NBPF6: variants seen among roughly 807,000 people sequenced by gnomAD.
NBPF6 encodes NBPF family member NBPF6.
NBPF6 carries 2 observed loss-of-function variants against 20.8 expected under a neutral mutation model. The ratio of observed to expected loss-of-function variants is 0.10; its 90% CI spans 0.04 to 0.30. NBPF6 has a LOEUF of 0.30. Ranked by LOEUF, NBPF6 falls within the 10% of genes least tolerant of loss-of-function variation. The pLI, the probability that NBPF6 is intolerant of heterozygous loss-of-function variation, is 1.00. For missense variants in NBPF6, 85 were observed against 260.3 expected (o/e 0.33, Z 4.63); for synonymous variants, 24 against 100.0 (o/e 0.24, Z 4.53).
chr1:108,470,615 A>G lies in NBPF6; in HGVS notation c.1894A>G (p.Arg632Gly). The part of the protein sequence containing the change: ...ESAEIPNTAE[R>G]MQRMIG ...CCTACAGATACCAAATACTGCTGAA[A>G]GGATGCAAAGGATGATAGGATGAAA... The change falls in exon 15 of 15, where the codon AGG becomes GGG. Residue 632 changes from arginine (R) to glycine (G), a missense_variant. By Grantham distance (125) the Arg-to-Gly change is moderately radical. Transcript: ENST00000495380. The G allele has an allele frequency of 6.4e-7, 1 of 1,554,852 alleles. No homozygotes were observed.
upstream of NBPF6, among the ~76,000 whole-genome samples, chr1:108,448,019 A>G (rs1357225479): frequency 6.8e-6 from 1 of 145,994 alleles, no homozygotes; most frequent in Non-Finnish European, 1.5e-5. Flanking sequence ...TTTTAAATAG[A>G]GCTAAGAGTA....
chr1:108,469,200 T>C (rs1653318295), intron 14 of NBPF6, among the ~76,000 whole-genome samples: 3 of 151,154 alleles, frequency 2.0e-5, no homozygotes, highest in African/African-American at 4.9e-5. Flanking sequence ...AAGTAAGAAA[T>C]AGTCATGATA....
chr1:108,453,008 G>GTGTA lies in NBPF6; in HGVS notation c.279-172_279-171insGTAT, dbSNP rs1471016532. Among the ~76,000 whole-genome samples the GTGTA allele has an allele frequency of 1.8e-3, 106 of 59,954 alleles. 2 individuals carry two copies. The highest frequency in any genetic ancestry group is 5.9e-3 in the African/African-American group (94 of 15,942). 39.3% of individuals were successfully genotyped at this position (59,954 alleles called of 152,430 possible). On this transcript the variant is annotated intron_variant, in intron 3 of 14. Coordinates refer to ENST00000495380, the MANE Select transcript of NBPF6 (RefSeq NM_001143988.2). ...TGTGTGTGTGTGTGTGTGTGTGTGT[G>GTGTA]TATATATATATATATTCTTCTTTCT...
Position 108,465,265 on chromosome 1 carries a change from C to A in NBPF6, c.1501C>A (p.Gln501Lys), listed in dbSNP as rs1199145196. The change falls in exon 13 of 15, where the codon CAG becomes AAG. Residue 501 changes from glutamine (Q) to lysine (K), a missense_variant. Gln to Lys is a moderately conservative substitution (Grantham distance 53, BLOSUM62 1). Coordinates refer to ENST00000495380, the MANE Select transcript of NBPF6 (RefSeq NM_001143988.2). ...CCACCGGTCAGAGGTTCAAATTTCA[C>A]AGGCACAGCTGGAACCAAGCACCCT... is the stretch of plus-strand genomic sequence containing the variant. ...SHHRSEVQIS[Q>K]AQLEPSTLVP... 6 of 1,195,336 alleles carry A rather than the reference C, an allele frequency of 5.0e-6. 2 individuals are homozygous for A. 74.0% of individuals were successfully genotyped at this position (1,195,336 alleles called of 1,614,324 possible).
chr1:108,448,371 C>T (rs1257187329), upstream of NBPF6, among the ~76,000 whole-genome samples: 22 of 149,112 alleles, frequency 1.5e-4, no homozygotes, highest in African/African-American at 4.9e-4. Context: ...TTAAATACAG[C>T]CAGGGGAAGA....
intron 14 of NBPF6, among the ~76,000 whole-genome samples, chr1:108,470,049 A>G (rs1401477398): frequency 1.3e-5 from 1 of 78,300 alleles, no homozygotes; most frequent in African/African-American, 5.5e-5. Context: ...CCTTAGTTCC[A>G]TCTTACCCCT....
chr1:108,436,282 C>T, the NBPF6 span, among the ~76,000 whole-genome samples: 1 of 75,546 alleles, frequency 1.3e-5, no homozygotes, highest in African/African-American at 4.1e-5. Flanking sequence ...ACTAGCTCTA[C>T]CTGATTTAAA....
chr1:108,468,010 T>C (rs1653236897), intron 14 of NBPF6, among the ~76,000 whole-genome samples: 1 of 151,186 alleles, frequency 6.6e-6, no homozygotes, highest in Non-Finnish European at 1.5e-5. Flanking sequence ...TTTGGGAAAT[T>C]TACCTTTCCT....
chr1:108,469,926 A>T (rs1653365497), intron 14 of NBPF6, among the ~76,000 whole-genome samples: 6 of 134,660 alleles, frequency 4.5e-5, no homozygotes, highest in Admixed American at 3.0e-4. Flanking sequence ...ACCACCACTC[A>T]TGACTGTTGA....
At chr1:108,452,980 T>G (rs867997710) in intron 3 of NBPF6, among the ~76,000 whole-genome samples, 1,432 of 47,408 alleles carry the variant, frequency 0.03, 456 homozygotes, top group African/African-American at 0.1. Context: ...GTATGTTTGT[T>G]TGTGTGTGTG....
chr1:108,437,764 A>AGGG, the NBPF6 span, among the ~76,000 whole-genome samples: 1 of 32,906 alleles, frequency 3.0e-5, no homozygotes, highest in African/African-American at 9.6e-5. Flanking sequence ...GGAAGGAAGG[A>AGGG]AGGGAGGGAG....
In NBPF6 at chr1:108,452,980, TTG is replaced by T. The variant is rs759252996; in HGVS notation, c.279-173_279-172del. ...TGTGTGTGTGTGTGTGTATGTTTGT[TTG>T]TGTGTGTGTGTGTGTGTGTGTGTGT... On this transcript the variant is annotated intron_variant, in intron 3 of 14. Coordinates refer to ENST00000495380, the MANE Select transcript of NBPF6 (RefSeq NM_001143988.2). Among the ~76,000 whole-genome samples, 205 of 47,406 alleles carry T rather than the reference TTG, an allele frequency of 4.3e-3. 18 individuals carry two copies. The highest frequency in any genetic ancestry group is 0.023 in the Middle Eastern group (2 of 86). 31.1% of individuals were successfully genotyped at this position (47,406 alleles called of 152,430 possible). A position where few individuals can be genotyped will look rare whatever the true frequency, so the allele number is the denominator to read the frequency against.
At position 108,471,079 on chromosome 1, in the gene NBPF6, A is replaced by G. The variant is rs1415595421; in HGVS notation, c.*441A>G. The G allele has an allele frequency of 1.3e-5, 2 of 154,472 alleles. No individual in the cohort carries two copies. The highest frequency in any genetic ancestry group is 4.8e-5 in the African/African-American group (2 of 41,534). The allele number at this position is 154,472 out of a possible 1,614,324, so 9.6% of individuals were successfully genotyped here. A position where few individuals can be genotyped will look rare whatever the true frequency, so the allele number is the denominator to read the frequency against. ...TGTAGAACATTGAACAGGACAACTG[A>G]CATGTCTCCTTCAAACAGTCCATGT... On this transcript the variant is annotated 3_prime_UTR_variant, in exon 15 of 15. Transcript: ENST00000495380.
chr1:108,449,415 ACTATATATAT>A (rs1363196213), upstream of NBPF6, among the ~76,000 whole-genome samples: 31 of 9,580 alleles, frequency 3.2e-3, 1 homozygote, highest in African/African-American at 4.2e-3. Context: ...TGTTAGAACA[ACTATATATAT>A]ATATATATAT....
At chr1:108,467,839 T>C (rs533783525) in intron 14 of NBPF6, among the ~76,000 whole-genome samples, 174 bp downstream of exon 14, 13 of 151,042 alleles carry the variant, frequency 8.6e-5, no homozygotes, top group African/African-American at 3.2e-4. Context: ...GCCCCTTCTC[T>C]ACCCATCTTC....
Position 108,465,227 on chromosome 1 carries a change from G to A in NBPF6, c.1463G>A (p.Gly488Glu), listed in dbSNP as rs202245430. ...GCCTGTCCCCAAGGGACTTGGAGTG[G>A]AGACTTGAGCCACCACCGGTCAGAG... ...EAACPQGTWS[G>E]DLSHHRSEVQ... The change falls in exon 13 of 15, where the codon GGA becomes GAA. Residue 488 changes from glycine (G) to glutamate (E), a missense_variant. By Grantham distance (98) the Gly-to-Glu change is moderately conservative. Around this residue, in one of 5 missense-constraint regions of NBPF6, gnomAD observed 43 missense variants for 97.3 expected, o/e 0.44. Transcript: ENST00000495380. The A allele has an allele frequency of 0.027, 32,218 of 1,202,568 alleles. 9,308 individuals are homozygous for A. The highest frequency in any genetic ancestry group is 0.031 in the Non-Finnish European group (27,665 of 886,412). 74.5% of individuals were successfully genotyped at this position (1,202,568 alleles called of 1,614,324 possible). A position where few individuals can be genotyped will look rare whatever the true frequency, so the allele number is the denominator to read the frequency against.
At chr1:108,429,640 T>G in the NBPF6 span, among the ~76,000 whole-genome samples, 1 of 148,346 alleles carries the variant, frequency 6.7e-6, no homozygotes, top group Non-Finnish European at 1.5e-5. Context: ...TGGTTTTGAG[T>G]GGGCTTCTTA....
chr1:108,468,001 T>G (rs1653236299), intron 14 of NBPF6, among the ~76,000 whole-genome samples: 1 of 151,186 alleles, frequency 6.6e-6, no homozygotes, highest in African/African-American at 2.4e-5. Context: ...ACACACTCCT[T>G]TGGGAAATTT....
At chr1:108,437,768 G>T in the NBPF6 span, among the ~76,000 whole-genome samples, 23 of 24,538 alleles carry the variant, frequency 9.4e-4, no homozygotes, top group African/African-American at 2.6e-3. Flanking sequence ...GGAAGGAAGG[G>T]AGGGAGGGAG....
Sources: allele counts gnomAD v4.1 joint callset (sites outside exome capture counted in the v4.1 genomes callset), GRCh38; gene constraint gnomAD v4.1.1; regional missense constraint gnomAD v4.1.1; transcripts MANE v1.5; gene names NCBI Gene and HGNC (gene_info 2026-07-23, HGNC 2026-07-21).